SLC24A3: variants seen among roughly 807,000 people sequenced by gnomAD.
SLC24A3 encodes sodium/potassium/calcium exchanger 3.
Under a neutral mutation model 75.8 loss-of-function variants are expected in SLC24A3, and 28 were observed. The ratio of observed to expected loss-of-function variants is 0.37; its 90% confidence interval spans 0.27 to 0.51. SLC24A3 has a LOEUF of 0.51. Ranked by LOEUF, SLC24A3 falls within the 20% of genes least tolerant of loss-of-function variation. The pLI is 0.94. For missense variants in SLC24A3, 663 were observed against 847.8 expected (o/e 0.78, Z 2.71); for synonymous variants, 372 against 334.1 (o/e 1.11, Z -1.24).
At chr20:19,437,624 C>G (rs1341501680) in intron 2 of SLC24A3, among the ~76,000 whole-genome samples, 1 of 152,178 alleles carries the variant, frequency 6.6e-6, no homozygotes, top group African/African-American at 2.4e-5. Context: ...GAGGCTTATC[C>G]AGGCCAATTG....
At position 19,697,058 on chromosome 20, in the gene SLC24A3, G is replaced by A. The variant is rs1444592488; in HGVS notation, c.1606+147G>A. On this transcript the variant is annotated intron_variant, in intron 14 of 16. Coordinates refer to ENST00000328041, the MANE Select transcript of SLC24A3 (RefSeq NM_020689.4). ...AGGAAAGAGGGAGGGAGGGAGTGAA[G>A]GAAAGAAGGAAGGAAGGGAGGAAGT... is the stretch of plus-strand genomic sequence containing the variant. 4 of 628,442 alleles carry A rather than the reference G, an allele frequency of 6.4e-6. No individual in the cohort carries two copies. The Admixed American group carries it at 8.3e-5, about 13-fold the overall frequency. 38.9% of individuals were successfully genotyped at this position (628,442 alleles called of 1,614,324 possible).
chr20:19,466,708 A>G (rs1452525645), intron 2 of SLC24A3, among the ~76,000 whole-genome samples: 2 of 152,134 alleles, frequency 1.3e-5, no homozygotes, highest in Admixed American at 6.5e-5. Flanking sequence ...TAAAAGGTCC[A>G]CAGAGATGCT....
chr20:19,663,512 G>T lies in SLC24A3; in HGVS notation c.688-2352G>T, dbSNP rs1319655611. ...CCTCCTCCTCTTCATCTACCCTTAT[G>T]CATTCTGAGTGATGGGGCATCTTCA... is the stretch of plus-strand genomic sequence containing the variant. On this transcript the variant is annotated intron_variant, in intron 7 of 16. Transcript: ENST00000328041. Among the ~76,000 whole-genome samples, 10 of 25,814 alleles carry T rather than the reference G, an allele frequency of 3.9e-4. No individual in the cohort carries two copies. The Admixed American group carries it at 5.4e-3, about 14-fold the overall frequency. 16.9% of individuals were successfully genotyped at this position (25,814 alleles called of 152,430 possible). A position where few individuals can be genotyped will look rare whatever the true frequency, so the allele number is the denominator to read the frequency against.
chr20:19,500,436 A>G (rs1988367597), intron 2 of SLC24A3, among the ~76,000 whole-genome samples: 1 of 152,122 alleles, frequency 6.6e-6, no homozygotes, highest in African/African-American at 2.4e-5. Flanking sequence ...AGAGATTTTT[A>G]TGAGTTAGGA....
chr20:19,650,891 A>C (rs2032195325), intron 6 of SLC24A3, among the ~76,000 whole-genome samples: 1 of 152,088 alleles, frequency 6.6e-6, no homozygotes, highest in Admixed American at 6.6e-5. Context: ...GTACGTTCAA[A>C]ATTATCAACT....
intron 6 of SLC24A3, among the ~76,000 whole-genome samples, chr20:19,626,792 C>A (rs1227193434): frequency 6.6e-6 from 1 of 152,156 alleles, no homozygotes; most frequent in Non-Finnish European, 1.5e-5. Flanking sequence ...TGATCTTAGT[C>A]CCCCAGTTCT....
chr20:19,515,388 C>A (rs933448576), intron 2 of SLC24A3, 100 bp from the exon 3 acceptor site: 17 of 1,087,292 alleles, frequency 1.6e-5, no homozygotes, highest in Non-Finnish European at 2.3e-5. Flanking sequence ...TTTTTTTCAT[C>A]CAAGTTCATG....
At chr20:19,276,475 A>G (rs1382689255) in intron 1 of SLC24A3, among the ~76,000 whole-genome samples, 1 of 152,206 alleles carries the variant, frequency 6.6e-6, no homozygotes, top group East Asian at 1.9e-4. Context: ...GGTATAGCCT[A>G]TTGCTCCTAG....
intron 6 of SLC24A3, among the ~76,000 whole-genome samples, chr20:19,634,462 G>T (rs1327167697): frequency 6.6e-6 from 1 of 152,060 alleles, no homozygotes; most frequent in African/African-American, 2.4e-5. Flanking sequence ...CAAAAGGCTT[G>T]TCCCAAAATG....
chr20:19,698,767 G>A, intron 15 of SLC24A3, 87 bp downstream of exon 15: 1 of 958,754 alleles, frequency 1.0e-6, no homozygotes, highest in South Asian at 1.5e-5. Flanking sequence ...CTTTGTCTCG[G>A]GGAAAAAGGG....
intron 12 of SLC24A3, among the ~76,000 whole-genome samples, chr20:19,688,225 C>A (rs557421525): frequency 1.3e-5 from 2 of 152,220 alleles, no homozygotes; most frequent in Non-Finnish European, 2.9e-5. Context: ...GGCTGCCCCC[C>A]ATCCTGTGAC....
intron 1 of SLC24A3, among the ~76,000 whole-genome samples, chr20:19,217,442 TACAC>T (rs1459704493): frequency 1.3e-5 from 2 of 152,162 alleles, no homozygotes; most frequent in Non-Finnish European, 2.9e-5. Context: ...TAGACAAACA[TACAC>T]ACAGACGTAT....
chr20:19,212,985 G>T lies in SLC24A3; in HGVS notation c.142+1G>T. ...CTGTCGAGCCTGCGAGAGCAGAAGGGTGAGTGCACGCTGCCTGCCCCGAGT... is the reference window on the plus strand; with the variant it reads ...CTGTCGAGCCTGCGAGAGCAGAAGGTTGAGTGCACGCTGCCTGCCCCGAGT... On this transcript the variant is annotated splice_donor_variant, in intron 1 of 16. Transcript: ENST00000328041. LOFTEE classifies it high-confidence loss of function. 1 of 1,281,792 alleles carries T rather than the reference G, an allele frequency of 7.8e-7. No homozygotes were observed. The highest frequency in any genetic ancestry group is 1.5e-5 in the African/African-American group (1 of 65,804). The allele number at this position is 1,281,792 out of a possible 1,614,324, so 79.4% of individuals were successfully genotyped here. A position where few individuals can be genotyped will look rare whatever the true frequency, so the allele number is the denominator to read the frequency against.
At chr20:19,476,444 G>A (rs923341735) in intron 2 of SLC24A3, among the ~76,000 whole-genome samples, 3 of 152,094 alleles carry the variant, frequency 2.0e-5, no homozygotes, top group Non-Finnish European at 4.4e-5. Flanking sequence ...GTGACTTTAG[G>A]TTTGGTGATG....
chr20:19,624,205 G>T (rs1165427591), intron 6 of SLC24A3, among the ~76,000 whole-genome samples: 1 of 151,986 alleles, frequency 6.6e-6, no homozygotes, highest in Non-Finnish European at 1.5e-5. Flanking sequence ...GTTTTGATTG[G>T]ACTCCCTGCT....
chr20:19,480,980 A>G (rs1988042803), intron 2 of SLC24A3, among the ~76,000 whole-genome samples: 1 of 152,238 alleles, frequency 6.6e-6, no homozygotes, highest in African/African-American at 2.4e-5. Flanking sequence ...TGACAGGAAC[A>G]TTATTAATGC....
intron 2 of SLC24A3, among the ~76,000 whole-genome samples, chr20:19,501,121 T>C (rs1463824369): frequency 6.6e-6 from 1 of 152,152 alleles, no homozygotes; most frequent in Non-Finnish European, 1.5e-5. Flanking sequence ...AACTCATAGG[T>C]TCTGAGGAGG....
intron 3 of SLC24A3, among the ~76,000 whole-genome samples, chr20:19,579,588 A>C (rs1448142831): frequency 6.6e-6 from 1 of 152,232 alleles, no homozygotes; most frequent in Non-Finnish European, 1.5e-5. Flanking sequence ...TTTAACATAT[A>C]ATGTATCAGG....
chr20:19,687,205 C>T (rs930308797), intron 12 of SLC24A3, among the ~76,000 whole-genome samples: 23 of 152,304 alleles, frequency 1.5e-4, no homozygotes, highest in Non-Finnish European at 2.1e-4. Context: ...CGGTTCATTG[C>T]GGCTGTGCAG....
Sources: gnomAD v4.1 joint callset for allele counts (sites outside exome capture counted in the v4.1 genomes callset) on GRCh38, gnomAD v4.1.1 for gene constraint, MANE v1.5 for transcripts, NCBI Gene and HGNC (gene_info 2026-07-23, HGNC 2026-07-21) for gene names.